The following POLK variants were observed in gnomAD, a reference collection of about 807,000 sequenced individuals.
POLK encodes the protein DNA polymerase kappa.
In POLK, 76 loss-of-function variants were observed where a neutral mutation model predicts 94.0. That is an observed-to-expected ratio of 0.81 (90% confidence interval 0.67 to 0.98). The LOEUF is 0.98. Among genes scored for constraint, POLK ranks in the 50% least tolerant of loss-of-function variants. The probability of loss-of-function intolerance (pLI) is 0.00; values close to 1 mark genes in which losing one functional copy is unlikely to be tolerated. For synonymous variants in POLK, 349 were observed against 325.4 expected (o/e 1.07, Z -0.78); for missense variants, 954 against 1,010.1 (o/e 0.94, Z 0.75).
At chr5:75,511,803 G>C in exon 1 of POLK, 1 of 1,551,516 alleles carries the variant, frequency 6.4e-7, no homozygotes, top group Non-Finnish European at 8.7e-7. Flanking sequence ...CAGGAGGAGC[G>C]GAGAAAGGAG....
chr5:75,608,208 T>A, the POLK span, among the ~76,000 whole-genome samples: 31 of 152,090 alleles, frequency 2.0e-4, no homozygotes, highest in African/African-American at 7.0e-4. Context: ...TTTTTTTTTT[T>A]TTTGAGACAG....
upstream of POLK, among the ~76,000 whole-genome samples, chr5:75,510,787 C>T (rs111574589): frequency 6.6e-6 from 1 of 152,122 alleles, no homozygotes; most frequent in African/African-American, 2.4e-5. Flanking sequence ...CCCAGTCGTT[C>T]GGACACCGCT....
chr5:75,596,144 C>A, intron 12 of POLK, 78 bp from the exon 13 acceptor site: 1 of 786,392 alleles, frequency 1.3e-6, no homozygotes, highest in Non-Finnish European at 2.1e-6. Flanking sequence ...TGTCATAGCA[C>A]TAGACAAAAT....
At chr5:75,566,687 C>A (rs1003225564) in intron 3 of POLK, among the ~76,000 whole-genome samples, 3 of 152,284 alleles carry the variant, frequency 2.0e-5, no homozygotes, top group Admixed American at 2.0e-4. Flanking sequence ...CCTAGCCTTT[C>A]GTGGCCTGCA....
At chr5:75,586,209 C>A (rs908419099) in intron 9 of POLK, among the ~76,000 whole-genome samples, 1 of 152,022 alleles carries the variant, frequency 6.6e-6, no homozygotes, top group Non-Finnish European at 1.5e-5. Flanking sequence ...ATAACAAATA[C>A]CAAACCTGCC....
intron 1 of POLK, chr5:75,512,853 T>G (rs1330455915): frequency 6.6e-6 from 1 of 152,082 alleles, no homozygotes; most frequent in Non-Finnish European, 1.5e-5. Context: ...GCTGGCCGAG[T>G]GTGGTGGCTC....
At chr5:75,535,720 T>C (rs1769408842) in intron 1 of POLK, among the ~76,000 whole-genome samples, 1 of 152,214 alleles carries the variant, frequency 6.6e-6, no homozygotes. Context: ...TCTGAGATTC[T>C]TTCCTTACCT....
At chr5:75,572,088 A>G (rs1771627819) in intron 4 of POLK, among the ~76,000 whole-genome samples, 1 of 152,164 alleles carries the variant, frequency 6.6e-6, no homozygotes, top group Admixed American at 6.5e-5. Flanking sequence ...TCTGTTTTGC[A>G]TTTCTTTGAA....
intron 1 of POLK, among the ~76,000 whole-genome samples, chr5:75,545,286 T>C (rs528345264): frequency 1.3e-5 from 2 of 152,330 alleles, no homozygotes; most frequent in African/African-American, 4.8e-5. Context: ...CTCTAAATCA[T>C]ACAAATAAGT....
intron 3 of POLK, among the ~76,000 whole-genome samples, chr5:75,557,082 A>G (rs1770666329): frequency 6.6e-6 from 1 of 152,176 alleles, no homozygotes; most frequent in African/African-American, 2.4e-5. Context: ...AAAAAAAGAA[A>G]GAAACTCTTC....
At chr5:75,609,005 C>G in the POLK span, 1 of 152,202 alleles carries the variant, frequency 6.6e-6, no homozygotes, top group African/African-American at 2.4e-5. Flanking sequence ...TTAGCCCAAG[C>G]TGTCAGGGAA....
At chr5:75,609,932 A>G in the POLK span, 2 of 152,264 alleles carry the variant, frequency 1.3e-5, no homozygotes, top group East Asian at 3.8e-4. Flanking sequence ...TTTACATTAA[A>G]ATGATACATC....
downstream of POLK, among the ~76,000 whole-genome samples, chr5:75,601,483 T>G (rs1459212658): frequency 1.3e-5 from 2 of 152,228 alleles, no homozygotes; most frequent in Non-Finnish European, 2.9e-5. Context: ...GATTAACATT[T>G]GAGTCAGTGG....
At chr5:75,537,386 G>A (rs1409448177) in intron 1 of POLK, among the ~76,000 whole-genome samples, 1 of 152,212 alleles carries the variant, frequency 6.6e-6, no homozygotes, top group Non-Finnish European at 1.5e-5. Flanking sequence ...TTGCGGTGTT[G>A]GTTAGGTTCT....
intron 11 of POLK, among the ~76,000 whole-genome samples, chr5:75,592,787 C>T (rs780118100): frequency 1.3e-5 from 2 of 152,048 alleles, no homozygotes; most frequent in Admixed American, 6.5e-5. Flanking sequence ...GGCATAGTGG[C>T]TCATGCCTGT....
At chr5:75,546,927 A>T (rs1050441248) in intron 1 of POLK, 83 bp from the exon 2 acceptor site, 3 of 607,776 alleles carry the variant, frequency 4.9e-6, no homozygotes, top group African/African-American at 1.9e-5. Context: ...TCGGCCTCCC[A>T]AAGTGCTAGG....
At chr5:75,572,014 A>C (rs1485697469) in intron 4 of POLK, among the ~76,000 whole-genome samples, 1 of 152,238 alleles carries the variant, frequency 6.6e-6, no homozygotes, top group Non-Finnish European at 1.5e-5. Flanking sequence ...AAGATGTTTT[A>C]AGTGCCATTT....
intron 1 of POLK, among the ~76,000 whole-genome samples, chr5:75,544,396 C>T (rs1769904678): frequency 6.6e-6 from 1 of 152,162 alleles, no homozygotes; most frequent in African/African-American, 2.4e-5. Context: ...CCTGTAATCT[C>T]AGCTCTTTGG....
intron 1 of POLK, among the ~76,000 whole-genome samples, chr5:75,524,787 C>T (rs879799192): frequency 6.6e-6 from 1 of 152,104 alleles, no homozygotes; most frequent in Admixed American, 6.6e-5. Context: ...AGTACAAAAC[C>T]CCCCATTATT....
Sources: gnomAD v4.1 joint callset for allele counts (sites outside exome capture counted in the v4.1 genomes callset) on GRCh38, gnomAD v4.1.1 for gene constraint, MANE v1.5 for transcripts, NCBI Gene and HGNC (gene_info 2026-07-23, HGNC 2026-07-21) for gene names.